PKD2: variants seen among roughly 807,000 people sequenced by gnomAD.
PKD2 encodes polycystin-2.
Under a neutral mutation model 105.9 loss-of-function variants are expected in PKD2, and 48 were observed. The ratio of observed to expected loss-of-function variants is 0.45; its 90% CI spans 0.36 to 0.58. The LOEUF (loss-of-function observed/expected upper bound fraction) is 0.58, where lower values mean the gene tolerates loss of function less well. PKD2 is among the 20% of genes least tolerant of loss of function. PKD2 has a pLI of 0.00. For synonymous variants in PKD2, 464 were observed against 481.1 expected (o/e 0.96, Z 0.46); for missense variants, 1,078 against 1,255.3 (o/e 0.86, Z 2.13).
intron 3 of PKD2, among the ~76,000 whole-genome samples, chr4:88,037,813 C>A (rs1373882897): frequency 6.6e-6 from 1 of 152,200 alleles, no homozygotes; most frequent in Non-Finnish European, 1.5e-5. Context: ...ATAGTCCAGA[C>A]AGGTGAAAGG....
At chr4:88,028,220 T>G (rs1727025514) in intron 2 of PKD2, among the ~76,000 whole-genome samples, 1 of 152,246 alleles carries the variant, frequency 6.6e-6, no homozygotes, top group South Asian at 2.1e-4. Flanking sequence ...TTTATTTTAC[T>G]TGTAAAAATC....
At chr4:88,036,145 C>T (rs562398126) in intron 2 of PKD2, 75 bp from the exon 3 acceptor site, 1 of 1,612,748 alleles carries the variant, frequency 6.2e-7, no homozygotes, top group South Asian at 1.1e-5. Flanking sequence ...GGAACAATCC[C>T]TTTGTGAAGG....
chr4:88,029,867 T>G (rs984990830), intron 2 of PKD2, among the ~76,000 whole-genome samples: 10 of 152,134 alleles, frequency 6.6e-5, no homozygotes, highest in Non-Finnish European at 1.0e-4. Flanking sequence ...CCAGAATCAC[T>G]TAGAAGCCAA....
At chr4:88,038,117 G>A in intron 3 of PKD2, 134 bp from the exon 4 acceptor site, 1 of 971,834 alleles carries the variant, frequency 1.0e-6, no homozygotes, top group Non-Finnish European at 1.6e-6. Flanking sequence ...AAATCTCTCT[G>A]ACAACAAAAC....
At chr4:88,062,081 C>T (rs1720597279) in intron 10 of PKD2, 77 bp downstream of exon 10, 1 of 773,542 alleles carries the variant, frequency 1.3e-6, no homozygotes, top group African/African-American at 1.7e-5. Context: ...ATTTTCAAAT[C>T]AACATTGATC....
rs1043821847 is a variant in PKD2 at position 88,042,669 on chromosome 4, T to G, written c.1095-564T>G. Among the ~76,000 whole-genome samples, 7 of 152,334 alleles carry G rather than the reference T, an allele frequency of 4.6e-5. No individual in the cohort carries two copies. The East Asian group carries it at 1.2e-3, about 25-fold the overall frequency. ...CTTTTGCTTCTTATTATTATCCACC[T>G]TGTATTTTACTTGTTTAATTATAAC... On this transcript the variant is annotated intron_variant, in intron 4 of 14. Coordinates refer to ENST00000237596, the MANE Select transcript of PKD2 (RefSeq NM_000297.4).
chr4:88,070,601 T>TATATAG (rs1313482750), intron 13 of PKD2, among the ~76,000 whole-genome samples: 161 of 91,456 alleles, frequency 1.8e-3, no homozygotes, highest in Middle Eastern at 6.3e-3. Context: ...TATATATATA[T>TATATAG]AGAGAGAGAG....
intron 6 of PKD2, among the ~76,000 whole-genome samples, chr4:88,047,176 T>G (rs1186545622): frequency 9.9e-6 from 1 of 100,790 alleles, no homozygotes; most frequent in Non-Finnish European, 1.6e-5. Flanking sequence ...TTTTTCTTTG[T>G]TTTTTTTTCC....
At chr4:88,046,044 C>T (rs1220872360) in intron 5 of PKD2, among the ~76,000 whole-genome samples, 1 of 151,948 alleles carries the variant, frequency 6.6e-6, no homozygotes, top group Non-Finnish European at 1.5e-5. Flanking sequence ...AATTCCAGCA[C>T]TCTGAAAGGC....
chr4:88,040,271 G>A (rs772472578), intron 4 of PKD2, among the ~76,000 whole-genome samples: 5 of 152,060 alleles, frequency 3.3e-5, no homozygotes, highest in South Asian at 2.1e-4. Context: ...TAATTGCGTC[G>A]TTAGGGTGGC....
chr4:88,036,617 GT>G (rs375399702), intron 3 of PKD2: 70 of 158,362 alleles, frequency 4.4e-4, no homozygotes, highest in African/African-American at 1.6e-3. Context: ...TATAAGGTAA[GT>G]ACTAAGACTA....
At chr4:88,074,786 C>T (rs1372397177) in intron 13 of PKD2, 26 bp from the exon 14 acceptor site, 2 of 1,613,452 alleles carry the variant, frequency 1.2e-6, no homozygotes, top group Admixed American at 3.3e-5. Flanking sequence ...AGCACTTTGT[C>T]CCTCTGTACT....
chr4:88,067,937 A>C lies in PKD2; in HGVS notation c.2398A>C (p.Met800Leu), dbSNP rs2234917. 3.3e-3 allele frequency: 5,403 copies of C among 1,614,092 alleles called. 38 individuals are homozygous for C. The highest frequency in any genetic ancestry group is 0.02 in the Middle Eastern group (121 of 6,062). ...DLDHSSLPRP[M>L]SSRSFPRSLD... ...GGATCACAGTTCTTTACCACGTCCC[A>C]TGAGCAGCCGAAGTTTCCCTCGAAG... Residue 800 changes from methionine (M) to leucine (L), a missense_variant, in exon 13 of 15, where the codon ATG (methionine) becomes CTG (leucine). Physicochemically the swap from Met to Leu is conservative, Grantham distance 15. Around this residue, in one of 2 missense-constraint regions of PKD2, gnomAD observed 868 missense variants for 1,067.3 expected, o/e 0.81. Transcript: ENST00000237596.
chr4:88,066,534 G>A (rs1257321042), intron 12 of PKD2, among the ~76,000 whole-genome samples: 1 of 151,796 alleles, frequency 6.6e-6, no homozygotes, highest in African/African-American at 2.4e-5. Flanking sequence ...GCTAATTTTT[G>A]TATTTGTAGT....
At chr4:88,032,609 G>A (rs531396689) in intron 2 of PKD2, among the ~76,000 whole-genome samples, 1 of 152,154 alleles carries the variant, frequency 6.6e-6, no homozygotes, top group Non-Finnish European at 1.5e-5. Context: ...TAGTACTCTT[G>A]TCTCCTTTCT....
chr4:88,065,734 T>G, intron 11 of PKD2, 28 bp from the exon 12 acceptor site: 1 of 1,506,588 alleles, frequency 6.6e-7, no homozygotes, highest in South Asian at 1.1e-5. Flanking sequence ...AGGAATGATT[T>G]TTATCTGTAT....
chr4:88,009,864 A>T (rs1344059651), intron 1 of PKD2, among the ~76,000 whole-genome samples: 2 of 152,220 alleles, frequency 1.3e-5, no homozygotes, highest in African/African-American at 2.4e-5. Context: ...AAGTTGCATG[A>T]TCCTTTTAAC....
chr4:88,017,751 T>G (rs1726608548), intron 1 of PKD2, among the ~76,000 whole-genome samples: 1 of 152,200 alleles, frequency 6.6e-6, no homozygotes, highest in Admixed American at 6.5e-5. Context: ...TTTTTCTATT[T>G]ATAGGCCAAG....
chr4:88,056,982 GT>G (rs140442909), intron 8 of PKD2, among the ~76,000 whole-genome samples: 3 of 150,360 alleles, frequency 2.0e-5, no homozygotes, highest in Admixed American at 6.6e-5. Flanking sequence ...TTTTTGTTTT[GT>G]TTTTTTTTGT....
Sources: gnomAD v4.1 joint callset for allele counts (sites outside exome capture counted in the v4.1 genomes callset) on GRCh38, gnomAD v4.1.1 for gene constraint, gnomAD v4.1.1 regional missense constraint, MANE v1.5 for transcripts, NCBI Gene and HGNC (gene_info 2026-07-23, HGNC 2026-07-21) for gene names.